The following C8A variants were observed in gnomAD, a reference collection of about 807,000 sequenced individuals.
C8A encodes complement component C8 alpha chain.
C8A carries 67 observed loss-of-function variants against 65.3 expected under a neutral mutation model. The observed-to-expected ratio is 1.03, with a 90% CI of 0.84 to 1.26. The LOEUF (loss-of-function observed/expected upper bound fraction) is 1.26, where lower values mean the gene tolerates loss of function less well. Ranked by LOEUF, C8A falls within the 50% of genes most tolerant of loss-of-function variation. C8A has a pLI of 0.00. For missense variants in C8A, 781 were observed against 723.9 expected (o/e 1.08, Z -0.90); for synonymous variants, 290 against 259.4 (o/e 1.12, Z -1.13).
intron 7 of C8A, among the ~76,000 whole-genome samples, chr1:56,892,860 G>A (rs1446852991): frequency 6.6e-6 from 1 of 152,122 alleles, no homozygotes; most frequent in East Asian, 1.9e-4. Context: ...ATCTCAGGGA[G>A]TCTGATGGGA....
intron 6 of C8A, among the ~76,000 whole-genome samples, chr1:56,885,585 C>T (rs1315222809): frequency 3.6e-5 from 5 of 138,294 alleles, no homozygotes; most frequent in East Asian, 2.1e-4. Context: ...TTTTTTGAGG[C>T]GGAGTCTTGC....
At chr1:56,913,107 G>A (rs923005133) in intron 10 of C8A, among the ~76,000 whole-genome samples, 6 of 152,034 alleles carry the variant, frequency 3.9e-5, no homozygotes, top group African/African-American at 1.2e-4. Flanking sequence ...TAGATGCATC[G>A]CTCCAGTCTC....
At chr1:56,905,614 T>C (rs1644458061) in intron 7 of C8A, among the ~76,000 whole-genome samples, 1 of 152,214 alleles carries the variant, frequency 6.6e-6, no homozygotes, top group African/African-American at 2.4e-5. Flanking sequence ...TGCTCAATAC[T>C]CCCTTGAAAA....
At chr1:56,885,326 T>TAAATATATATTTACATAAATATATTTATG (rs1644283010) in intron 6 of C8A, among the ~76,000 whole-genome samples, 6 of 132,742 alleles carry the variant, frequency 4.5e-5, no homozygotes, top group Non-Finnish European at 9.4e-5. Context: ...ATATATTTAT[T>TAAATATATATTTACATAAATATATTTATG]TAAATATATA....
chr1:56,898,411 T>C (rs943897812), intron 7 of C8A, among the ~76,000 whole-genome samples: 2 of 152,124 alleles, frequency 1.3e-5, no homozygotes, highest in African/African-American at 4.8e-5. Context: ...TTGTTCACCA[T>C]TGGGGTGCAC....
At chr1:56,882,774 C>A in intron 5 of C8A, among the ~76,000 whole-genome samples, 1 of 152,122 alleles carries the variant, frequency 6.6e-6, no homozygotes, top group East Asian at 1.9e-4. Context: ...GGACTAAGTG[C>A]TTTGGGAACA....
intron 3 of C8A, among the ~76,000 whole-genome samples, chr1:56,875,671 T>C (rs1644191426): frequency 6.6e-6 from 1 of 152,122 alleles, no homozygotes; most frequent in Admixed American, 6.6e-5. Context: ...CCCAGAATGT[T>C]TGCAGCATCA....
intron 7 of C8A, among the ~76,000 whole-genome samples, chr1:56,900,109 C>G (rs758329165): frequency 2.0e-5 from 3 of 152,170 alleles, no homozygotes; most frequent in African/African-American, 7.2e-5. Flanking sequence ...GCCTAGCTTC[C>G]TTTCTCTAAG....
intron 8 of C8A, 78 bp from the exon 9 acceptor site, chr1:56,907,878 T>G: frequency 6.6e-7 from 1 of 1,511,100 alleles, no homozygotes; most frequent in Non-Finnish European, 9.2e-7. Flanking sequence ...TTCTTCCAAA[T>G]CTCATTAGTG....
At chr1:56,869,600 A>G (rs754788867) in intron 2 of C8A, among the ~76,000 whole-genome samples, 14 of 152,218 alleles carry the variant, frequency 9.2e-5, no homozygotes, top group Non-Finnish European at 1.9e-4. Context: ...ACTGTTTTCC[A>G]TAATGGTTGT....
chr1:56,913,732 C>G (rs1644528760), intron 10 of C8A, among the ~76,000 whole-genome samples: 4 of 152,168 alleles, frequency 2.6e-5, no homozygotes, highest in Admixed American at 1.3e-4. Flanking sequence ...CCTAAATTGG[C>G]TATTGCAATG....
In C8A at chr1:56,886,625, C is replaced by T. The variant is rs559000399; in HGVS notation, c.1096+458C>T. Among the ~76,000 whole-genome samples, 12 of 152,226 alleles carry T rather than the reference C, an allele frequency of 7.9e-5. No individual in the cohort carries two copies. The East Asian group carries it at 2.1e-3, about 27-fold the overall frequency. ...AGTTCTCTCTCATTCTTCCACTCTCCTCCATCTCCACTCCTACTGAGGTAT... is the reference window on the plus strand; with the variant it reads ...AGTTCTCTCTCATTCTTCCACTCTCTTCCATCTCCACTCCTACTGAGGTAT... On this transcript the variant is annotated intron_variant, in intron 7 of 10. Transcript: ENST00000361249.
chr1:56,875,442 C>A (rs1038921903), intron 3 of C8A, among the ~76,000 whole-genome samples: 3 of 152,136 alleles, frequency 2.0e-5, no homozygotes, highest in African/African-American at 4.8e-5. Context: ...TTGATGTACT[C>A]CTAGTCTAGA....
At position 56,883,573 on chromosome 1, in the gene C8A, A is replaced by C. The variant is rs1408610361; in HGVS notation, c.747A>C (p.Gly249=). 6.2e-7 allele frequency: 1 copy of C among 1,613,946 alleles called. No homozygotes were observed. The highest frequency in any genetic ancestry group is 8.5e-7 in the Non-Finnish European group (1 of 1,179,930). Residue 249 remains glycine (G), a synonymous_variant, in exon 6 of 11, where the codon GGA becomes GGC. Transcript: ENST00000361249. The stretch of plus-strand genomic sequence containing the variant: ...AAAAAGACAAGTCTGACTCATTTGG[A>C]GTGACCATCGGCATAGGCCCAGCCG... ...KVKKDKSDSF[G]VTIGIGPAGS...
intron 7 of C8A, among the ~76,000 whole-genome samples, chr1:56,902,683 A>T (rs1644435645): frequency 1.3e-5 from 2 of 152,028 alleles, no homozygotes; most frequent in Non-Finnish European, 2.9e-5. Flanking sequence ...CAACCATGAT[A>T]CCCTTTGATT....
chr1:56,863,409 A>C (rs1644053069), intron 1 of C8A, among the ~76,000 whole-genome samples: 1 of 152,140 alleles, frequency 6.6e-6, no homozygotes, highest in Non-Finnish European at 1.5e-5. Context: ...TCTAGACTTC[A>C]TGTCACAAGG....
intron 2 of C8A, among the ~76,000 whole-genome samples, chr1:56,869,816 T>C (rs1029930870): frequency 1.3e-5 from 2 of 152,220 alleles, no homozygotes; most frequent in Non-Finnish European, 2.9e-5. Context: ...TTGCCTTGAA[T>C]TAATCCCTGC....
chr1:56,902,576 A>G (rs1185386005), intron 7 of C8A, among the ~76,000 whole-genome samples: 1 of 152,218 alleles, frequency 6.6e-6, no homozygotes, highest in East Asian at 1.9e-4. Context: ...CATTAACTAT[A>G]GGGACATGTT....
At chr1:56,862,912 A>G (rs1443990681) in intron 1 of C8A, among the ~76,000 whole-genome samples, 1 of 152,198 alleles carries the variant, frequency 6.6e-6, no homozygotes, top group Non-Finnish European at 1.5e-5. Context: ...AAGCTCTAAA[A>G]TCCCTTCAAT....
Sources: gnomAD v4.1 joint callset for allele counts (sites outside exome capture counted in the v4.1 genomes callset) on GRCh38, gnomAD v4.1.1 for gene constraint, MANE v1.5 for transcripts, NCBI Gene and HGNC (gene_info 2026-07-23, HGNC 2026-07-21) for gene names.